Variants in KAZN observed in about 807,000 individuals in gnomAD.
KAZN encodes kazrin, periplakin interacting protein.
KAZN carries 40 observed loss-of-function variants against 87.4 expected under a neutral mutation model. That is an observed-to-expected ratio of 0.46 (90% CI 0.36 to 0.60). The LOEUF (loss-of-function observed/expected upper bound fraction) is 0.60, where lower values mean the gene tolerates loss of function less well. KAZN is among the 20% of genes least tolerant of loss of function. The pLI is 0.00. For synonymous variants in KAZN, 466 were observed against 458.3 expected, an observed-to-expected ratio of 1.02 and a Z score of -0.22; for missense variants, 898 against 1,073.9, an observed-to-expected ratio of 0.84 and a Z score of 2.29.
At chr1:13,971,427 T>C (rs1369181411) in intron 1 of KAZN, among the ~76,000 whole-genome samples, 1 of 152,124 alleles carries the variant, frequency 6.6e-6, no homozygotes, top group African/African-American at 2.4e-5. Flanking sequence ...ATAATTGGGG[T>C]CACTAATACT....
chr1:14,349,855 G>A (rs1658394002), intron 2 of KAZN, among the ~76,000 whole-genome samples: 1 of 152,104 alleles, frequency 6.6e-6, no homozygotes, highest in Admixed American at 6.6e-5. Context: ...AGTGACAAGA[G>A]GCCCGGTGCG....
At chr1:14,278,148 CA>C (rs1368041898) in intron 2 of KAZN, among the ~76,000 whole-genome samples, 1 of 100,004 alleles carries the variant, frequency 1.0e-5, no homozygotes, top group Non-Finnish European at 1.8e-5. Flanking sequence ...CCAGCCTGGG[CA>C]ACAAGAGTGA....
intron 1 of KAZN, among the ~76,000 whole-genome samples, chr1:14,680,315 C>T (rs374618241): frequency 5.3e-5 from 8 of 152,092 alleles, no homozygotes; most frequent in African/African-American, 1.9e-4. Flanking sequence ...TCCGTTCCTA[C>T]GTAGCCCTCC....
intron 2 of KAZN, among the ~76,000 whole-genome samples, chr1:14,295,420 C>G (rs1419787859): frequency 1.3e-5 from 2 of 152,158 alleles, no homozygotes; most frequent in East Asian, 3.8e-4. Flanking sequence ...ATACATGAGA[C>G]ACAGACACAA....
chr1:14,419,717 G>C (rs1422144237), intron 2 of KAZN, among the ~76,000 whole-genome samples: 2 of 152,148 alleles, frequency 1.3e-5, no homozygotes, highest in South Asian at 4.2e-4. Context: ...GAGTGAAGCC[G>C]CAGACCTCCG....
intron 2 of KAZN, among the ~76,000 whole-genome samples, chr1:14,181,279 C>T (rs1013241351): frequency 5.3e-5 from 8 of 152,114 alleles, no homozygotes; most frequent in African/African-American, 9.7e-5. Flanking sequence ...TCTTCAGTGT[C>T]GGGAAATGTT....
intron 1 of KAZN, among the ~76,000 whole-genome samples, chr1:14,009,904 C>T (rs1308629116): frequency 6.6e-6 from 1 of 152,106 alleles, no homozygotes; most frequent in Admixed American, 6.5e-5. Flanking sequence ...CACATTTGTG[C>T]CTCCATGTGT....
At chr1:14,705,171 A>G (rs1014126926) in intron 1 of KAZN, among the ~76,000 whole-genome samples, 1 of 152,056 alleles carries the variant, frequency 6.6e-6, no homozygotes, top group Non-Finnish European at 1.5e-5. Context: ...GCCTCTTCCC[A>G]TGGTATGCAT....
chr1:14,556,154 G>A (rs1673858488), intron 2 of KAZN, among the ~76,000 whole-genome samples: 1 of 147,876 alleles, frequency 6.8e-6, no homozygotes, highest in Non-Finnish European at 1.5e-5. Flanking sequence ...TCTGTCCCCA[G>A]GCTGGAGGGC....
chr1:14,801,937 G>T (rs1398864909), intron 1 of KAZN, among the ~76,000 whole-genome samples: 1 of 151,982 alleles, frequency 6.6e-6, no homozygotes, highest in East Asian at 1.9e-4. Flanking sequence ...GCCCGCCTTG[G>T]CCTTCCAAAG....
At chr1:14,201,608 C>G (rs148827600) in intron 2 of KAZN, among the ~76,000 whole-genome samples, 200 of 152,340 alleles carry the variant, frequency 1.3e-3, no homozygotes, top group Middle Eastern at 6.8e-3. Flanking sequence ...ATCATTGGTT[C>G]ATTTGGACTC....
At chr1:14,798,416 C>CTTTTTTTTTTTTTTTTTTTTTTTTT in intron 1 of KAZN, among the ~76,000 whole-genome samples, 1 of 88,148 alleles carries the variant, frequency 1.1e-5, no homozygotes, top group Non-Finnish European at 2.0e-5. Context: ...TGTTTCTTTC[C>CTTTTTTTTTTTTTTTTTTTTTTTTT]TTTTTTTTTT....
chr1:14,716,254 A>G (rs1001232112), intron 1 of KAZN, among the ~76,000 whole-genome samples: 1 of 152,098 alleles, frequency 6.6e-6, no homozygotes, highest in Non-Finnish European at 1.5e-5. Flanking sequence ...ATAAGTGTGT[A>G]GGTCATGATT....
chr1:14,921,872 C>A (rs6696359), intron 1 of KAZN, among the ~76,000 whole-genome samples: 7,389 of 152,200 alleles, frequency 0.049, 632 homozygotes, highest in African/African-American at 0.17. Flanking sequence ...CCACCACTCC[C>A]GGCTAATTTT....
chr1:14,930,274 G>A (rs1260191683), intron 1 of KAZN, among the ~76,000 whole-genome samples: 1 of 152,196 alleles, frequency 6.6e-6, no homozygotes, highest in African/African-American at 2.4e-5. Flanking sequence ...CAGGCTCCCA[G>A]CTAGTTTGGG....
intron 2 of KAZN, among the ~76,000 whole-genome samples, chr1:14,460,023 C>G (rs1667777169): frequency 6.6e-6 from 1 of 152,100 alleles, no homozygotes; most frequent in Non-Finnish European, 1.5e-5. Flanking sequence ...AATCAGTATT[C>G]CCTTACCCAC....
At chr1:14,251,444 G>A (rs1192171215) in intron 2 of KAZN, among the ~76,000 whole-genome samples, 1 of 151,968 alleles carries the variant, frequency 6.6e-6, no homozygotes, top group Non-Finnish European at 1.5e-5. Context: ...CCATCATTTG[G>A]GAAGAGAAGA....
intron 2 of KAZN, among the ~76,000 whole-genome samples, chr1:14,341,001 T>C (rs1352855374): frequency 6.8e-6 from 1 of 147,456 alleles, no homozygotes; most frequent in Non-Finnish European, 1.5e-5. Flanking sequence ...AATTCTCCTG[T>C]CTCAGCCTCC....
At chr1:14,150,412 G>A (rs1645447152) in intron 1 of KAZN, among the ~76,000 whole-genome samples, 1 of 152,052 alleles carries the variant, frequency 6.6e-6, no homozygotes, top group Non-Finnish European at 1.5e-5. Context: ...TTGTCTCTGT[G>A]TGAACCAAGT....
Sources: gnomAD v4.1 joint callset for allele counts (sites outside exome capture counted in the v4.1 genomes callset) on GRCh38, gnomAD v4.1.1 for gene constraint, MANE v1.5 for transcripts, NCBI Gene and HGNC (gene_info 2026-07-23, HGNC 2026-07-21) for gene names.